CMYA5: variants seen among roughly 807,000 people sequenced by gnomAD.
CMYA5 encodes the protein cardiomyopathy associated 5.
A neutral mutation model predicts 318.9 loss-of-function variants in CMYA5; 246 were observed. That is an observed-to-expected ratio of 0.77 (90% confidence interval 0.70 to 0.86). The LOEUF (loss-of-function observed/expected upper bound fraction) is 0.86, where lower values mean the gene tolerates loss of function less well. Ranked by LOEUF, CMYA5 falls within the 40% of genes least tolerant of loss-of-function variation. The probability of loss-of-function intolerance (pLI) is 0.00; values close to 1 mark genes in which losing one functional copy is unlikely to be tolerated. For missense variants in CMYA5, 4,589 were observed against 4,678.2 expected (o/e 0.98, Z 0.56); for synonymous variants, 1,641 against 1,729.5 (o/e 0.95, Z 1.27).
intron 5 of CMYA5, among the ~76,000 whole-genome samples, chr5:79,751,442 C>T (rs536593197): frequency 6.6e-6 from 1 of 152,290 alleles, no homozygotes; most frequent in South Asian, 2.1e-4. Context: ...AATGTTACCT[C>T]CTCTTTGAAG....
At chr5:79,762,446 A>G (rs569591696) in intron 8 of CMYA5, 1 of 153,928 alleles carries the variant, frequency 6.5e-6, no homozygotes, top group African/African-American at 2.4e-5. Context: ...CAAAGGAAAG[A>G]CAAGATAAGA....
chr5:79,730,410 C>T lies in CMYA5; in HGVS notation c.1645C>T (p.Pro549Ser). 3 of 1,613,904 alleles carry T rather than the reference C, an allele frequency of 1.9e-6. No individual in the cohort carries two copies. Among genetic ancestry groups the T allele is most frequent in the Non-Finnish European group, 2.5e-6 (3 of 1,179,894 alleles). ...ATTGGTTTCCGAGAAGCCCTTCCCA[C>T]CACATATGTCCCCTGAAGTGGAGCA... ...SPLVSEKPFP[P>S]HMSPEVEHKE... The change falls in exon 2 of 13, where the codon CCA becomes TCA. Residue 549 changes from proline to serine, a missense_variant. Physicochemically the swap from Pro to Ser is moderately conservative, Grantham distance 74 (BLOSUM62 -1). This residue lies in a region of CMYA5 where 2,132 missense variants were observed against 2,131.3 expected (regional missense o/e 1.00). Coordinates refer to ENST00000446378, the MANE Select transcript of CMYA5 (RefSeq NM_153610.5).
intron 4 of CMYA5, among the ~76,000 whole-genome samples, chr5:79,745,887 G>C (rs1400449669): frequency 6.6e-6 from 1 of 152,202 alleles, no homozygotes; most frequent in African/African-American, 2.4e-5. Context: ...CCTGGCCAAG[G>C]GGCTGAGAGT....
intron 9 of CMYA5, among the ~76,000 whole-genome samples, chr5:79,773,737 A>G (rs948320792): frequency 6.6e-6 from 1 of 152,192 alleles, no homozygotes; most frequent in Admixed American, 6.5e-5. Context: ...GGATTAACCA[A>G]TCTCTTTTTG....
At chr5:79,728,291 G>C (rs545669755) in intron 1 of CMYA5, among the ~76,000 whole-genome samples, 2 of 152,042 alleles carry the variant, frequency 1.3e-5, no homozygotes, top group African/African-American at 4.8e-5. Context: ...GTCAGATAGG[G>C]ATTAGAGAGC....
Position 79,736,734 on chromosome 5 carries a change from C to T in CMYA5, c.7969C>T (p.Leu2657=), listed in dbSNP as rs1474100791. ...CCACTCTTTATCTCAGGAAGGAAAT[C>T]TAGTATTAGAAAAGTCAAGCAGAGA... ...ENHSLSQEGN[L]VLEKSSRDMP... Residue 2657 remains leucine, a synonymous_variant, in exon 2 of 13, where the codon CTA becomes TTA. Coordinates refer to ENST00000446378, the MANE Select transcript of CMYA5 (RefSeq NM_153610.5). 6.2e-7 allele frequency: 1 copy of T among 1,612,648 alleles called. No individual in the cohort carries two copies. The highest frequency in any genetic ancestry group is 8.5e-7 in the Non-Finnish European group (1 of 1,179,632).
At position 79,731,886 on chromosome 5, in the gene CMYA5, G is replaced by A. The variant is rs769749716; in HGVS notation, c.3121G>A (p.Ala1041Thr). The A allele has an allele frequency of 2.5e-6, 4 of 1,613,524 alleles. No homozygotes were observed. The highest frequency in any genetic ancestry group is 1.1e-5 in the South Asian group (1 of 90,976). ...TTCAGGTTATTCCTGCTTTTCAGAA[G>A]CAGATGAGGAAGACATTGGATCCAC... ...SASGYSCFSE[A>T]DEEDIGSTAA... Residue 1041 changes from alanine (A) to threonine (T), a missense_variant, in exon 2 of 13, where the codon GCA becomes ACA. Around this residue, in one of 3 missense-constraint regions of CMYA5, gnomAD observed 2,132 missense variants for 2,131.3 expected, o/e 1.00. Transcript: ENST00000446378.
chr5:79,705,042 G>GT (rs150491040), intron 1 of CMYA5, among the ~76,000 whole-genome samples: 3,914 of 152,292 alleles, frequency 0.026, 150 homozygotes, highest in African/African-American at 0.09. Flanking sequence ...GGAGGCCGAG[G>GT]TAGGCAGATC....
In CMYA5 at chr5:79,737,427, G is replaced by C. The variant is rs866836218; in HGVS notation, c.8662G>C (p.Ala2888Pro). ...DTRVKEPLSS[A>P]KSNYAQFISN... ...CCGTGTAAAGGAACCACTGTCTTCA[G>C]CAAAAAGCAACTATGCTCAATTTAT... The change falls in exon 2 of 13, where the codon GCA (alanine) becomes CCA (proline). Residue 2888 changes from alanine (A) to proline (P), a missense_variant. By Grantham distance (27) the Ala-to-Pro change is conservative. This residue lies in a region of CMYA5 where 2,431 missense variants were observed against 2,495.1 expected (regional missense o/e 0.97). Transcript: ENST00000446378. 12 of 1,613,714 alleles carry C rather than the reference G, an allele frequency of 7.4e-6. No homozygotes were observed. The highest frequency in any genetic ancestry group is 1.0e-5 in the Non-Finnish European group (12 of 1,179,820).
Position 79,732,550 on chromosome 5 carries a change from T to G in CMYA5, c.3785T>G (p.Val1262Gly). 1 of 1,613,068 alleles carries G rather than the reference T, an allele frequency of 6.2e-7. No individual in the cohort carries two copies. The highest frequency in any genetic ancestry group is 8.5e-7 in the Non-Finnish European group (1 of 1,179,592). The change falls in exon 2 of 13, where the codon GTG becomes GGG. Residue 1262 changes from valine (V) to glycine (G), a missense_variant. Physicochemically the swap from Val to Gly is moderately radical, Grantham distance 109. This residue lies in a region of CMYA5 where 2,132 missense variants were observed against 2,131.3 expected (regional missense o/e 1.00). Transcript: ENST00000446378. ...GTCAAGCCCAAATTAGTTCTAAATG[T>G]GACTTCTGAACTAGAACAGAGAAAG... Reference protein sequence around the residue: ...KGVKPKLVLNVTSELEQRKLS... With the variant: ...KGVKPKLVLNGTSELEQRKLS...
In CMYA5 at chr5:79,737,842, A is replaced by C. The variant is rs760197322; in HGVS notation, c.9077A>C (p.Lys3026Thr). The part of the protein sequence containing the change: ...LKENKQKETH[K>T]TKEEISTDSE... ...GAAAATAAACAAAAGGAAACTCATA[A>C]GACAAAAGAAGAGATATCCACAGAT... Residue 3026 changes from lysine to threonine, a missense_variant, in exon 2 of 13, where the codon AAG (lysine) becomes ACG (threonine). Physicochemically the swap from Lys to Thr is moderately conservative, Grantham distance 78. Around this residue, in one of 3 missense-constraint regions of CMYA5, gnomAD observed 2,431 missense variants for 2,495.1 expected, o/e 0.97. Coordinates refer to ENST00000446378, the MANE Select transcript of CMYA5 (RefSeq NM_153610.5). The C allele has an allele frequency of 1.9e-6, 3 of 1,602,428 alleles. No individual in the cohort carries two copies. Among genetic ancestry groups the C allele is most frequent in the East Asian group, 4.5e-5 (2 of 44,814 alleles).
At chr5:79,725,274 T>C (rs1388921854) in intron 1 of CMYA5, among the ~76,000 whole-genome samples, 1 of 152,248 alleles carries the variant, frequency 6.6e-6, no homozygotes, top group East Asian at 1.9e-4. Context: ...CATGGAATAC[T>C]ATGCAGCCAT....
chr5:79,693,419 C>A (rs1405724883), intron 1 of CMYA5, among the ~76,000 whole-genome samples: 6 of 150,910 alleles, frequency 4.0e-5, no homozygotes, highest in African/African-American at 1.5e-4. Flanking sequence ...CGGCTCACTG[C>A]AGCCTTGACT....
At chr5:79,771,304 C>T (rs1828852808) in intron 9 of CMYA5, among the ~76,000 whole-genome samples, 1 of 152,124 alleles carries the variant, frequency 6.6e-6, no homozygotes, top group Admixed American at 6.5e-5. Flanking sequence ...AGTCCTGGAC[C>T]TTAACTGTGA....
intron 1 of CMYA5, among the ~76,000 whole-genome samples, chr5:79,702,075 G>C (rs977904382): frequency 2.6e-5 from 4 of 152,076 alleles, no homozygotes; most frequent in African/African-American, 9.7e-5. Flanking sequence ...CTGCACTCCA[G>C]CCTGGGTGAC....
Position 79,738,210 on chromosome 5 carries a change from G to T in CMYA5, c.9445G>T (p.Asp3149Tyr). 1 of 1,613,844 alleles carries T rather than the reference G, an allele frequency of 6.2e-7. No individual in the cohort carries two copies. Among genetic ancestry groups the T allele is most frequent in the Non-Finnish European group, 8.5e-7 (1 of 1,179,844 alleles). The change falls in exon 2 of 13, where the codon GAC becomes TAC. Residue 3149 changes from aspartate (D) to tyrosine (Y), a missense_variant. Asp to Tyr is a radical substitution (Grantham distance 160, BLOSUM62 -3). Transcript: ENST00000446378. ...TTCAAAGGACACAAAGAGAGATGTGGACTCAAAGTCACCGGGGATGCCTTT... is the reference window on the plus strand; with the variant it reads ...TTCAAAGGACACAAAGAGAGATGTGTACTCAAAGTCACCGGGGATGCCTTT... ...NVSKDTKRDV[D>Y]SKSPGMPLFE... is the part of the protein sequence containing the mutation.
In CMYA5 at chr5:79,731,817, A is replaced by G; in HGVS notation, c.3052A>G (p.Lys1018Glu). The G allele has an allele frequency of 6.2e-7, 1 of 1,612,646 alleles. No individual in the cohort carries two copies. Among genetic ancestry groups the G allele is most frequent in the Non-Finnish European group, 8.5e-7 (1 of 1,179,480 alleles). ...TCCCTTTAGAATCTCAGAAACAGAGAAAAATGAACTTGAGCCTGATTCACT... is the reference window on the plus strand; with the variant it reads ...TCCCTTTAGAATCTCAGAAACAGAGGAAAATGAACTTGAGCCTGATTCACT... ...IPPFRISETEKNELEPDSLLT... is the reference protein window; with the variant it reads ...IPPFRISETEENELEPDSLLT... The change falls in exon 2 of 13, where the codon AAA (lysine) becomes GAA (glutamate). Residue 1018 changes from lysine (K) to glutamate (E), a missense_variant. Physicochemically the swap from Lys to Glu is moderately conservative, Grantham distance 56. Coordinates refer to ENST00000446378, the MANE Select transcript of CMYA5 (RefSeq NM_153610.5).
chr5:79,717,882 C>CTTTTTT (rs1827548657), intron 1 of CMYA5, among the ~76,000 whole-genome samples: 5 of 105,382 alleles, frequency 4.7e-5, no homozygotes, highest in African/African-American at 3.0e-4. Context: ...TTAACCTAAG[C>CTTTTTT]TATTTTTTTT....
Position 79,693,672 on chromosome 5 carries a change from G to A in CMYA5, c.149+3616G>A, listed in dbSNP as rs573378830. Reference sequence around the variant, plus strand: ...ACAGAATTTTTTGGAACAGAATTAGGAGTAGACCCCAGGTGTCTGGACTCC... The same window carrying A: ...ACAGAATTTTTTGGAACAGAATTAGAAGTAGACCCCAGGTGTCTGGACTCC... On this transcript the variant is annotated intron_variant, in intron 1 of 12. Transcript: ENST00000446378. Among the ~76,000 whole-genome samples the A allele has an allele frequency of 3.3e-5, 5 of 152,228 alleles. No individual in the cohort carries two copies. The South Asian group carries it at 1.0e-3, about 32-fold the overall frequency.
Sources: allele counts gnomAD v4.1 joint callset (sites outside exome capture counted in the v4.1 genomes callset), GRCh38; gene constraint gnomAD v4.1.1; regional missense constraint gnomAD v4.1.1; transcripts MANE v1.5; gene names NCBI Gene and HGNC (gene_info 2026-07-23, HGNC 2026-07-21).